The following PHF21B variants were observed in gnomAD, a reference collection of about 807,000 sequenced individuals.
PHF21B encodes PHD finger protein 4.
In PHF21B, 22 loss-of-function variants were observed where a neutral mutation model predicts 62.2. The observed-to-expected ratio is 0.35, with a 90% CI of 0.25 to 0.51. The LOEUF (loss-of-function observed/expected upper bound fraction) is 0.51, where lower values mean the gene tolerates loss of function less well. PHF21B is among the 20% of genes least tolerant of loss of function. PHF21B has a pLI of 0.97. For synonymous variants in PHF21B, 341 were observed against 314.7 expected (o/e 1.08, Z -0.88); for missense variants, 701 against 707.9 (o/e 0.99, Z 0.11).
At chr22:44,987,677 G>GT (rs1402562129) in intron 2 of PHF21B, among the ~76,000 whole-genome samples, 4 of 151,944 alleles carry the variant, frequency 2.6e-5, no homozygotes, top group African/African-American at 9.7e-5. Context: ...GACCCCAGCT[G>GT]TTCCTCATGG....
intron 2 of PHF21B, among the ~76,000 whole-genome samples, chr22:44,956,655 C>T (rs972276655): frequency 8.5e-5 from 13 of 152,104 alleles, no homozygotes; most frequent in South Asian, 4.1e-4. Flanking sequence ...CCTCCACAAG[C>T]GACCCCAGGA....
intron 2 of PHF21B, among the ~76,000 whole-genome samples, chr22:44,998,955 T>C (rs570485976): frequency 6.6e-6 from 1 of 152,292 alleles, no homozygotes; most frequent in African/African-American, 2.4e-5. Context: ...CTCTTCAGGA[T>C]GAGGGTTTGA....
At chr22:44,920,269 G>A in intron 3 of PHF21B, 129 bp downstream of exon 3, 2 of 549,128 alleles carry the variant, frequency 3.6e-6, no homozygotes, top group Non-Finnish European at 3.1e-6. Flanking sequence ...AGAGGGGAAG[G>A]TGCAGCTGAG....
chr22:44,883,238 G>C lies in PHF21B; in HGVS notation c.1444C>G (p.Leu482Val). 1 of 1,613,994 alleles carries C rather than the reference G, an allele frequency of 6.2e-7. No homozygotes were observed. Among genetic ancestry groups the C allele is most frequent in the Non-Finnish European group, 8.5e-7 (1 of 1,179,992 alleles). The change falls in exon 13 of 13, where the codon CTG becomes GTG. Residue 482 changes from leucine (L) to valine (V), a missense_variant. Leu to Val is a conservative substitution (Grantham distance 32, BLOSUM62 1). Transcript: ENST00000313237. ...QRGTQSSLDR[L>V]RALLRLIQGE... is the part of the protein sequence containing the mutation. ...TGTATCAGTCTCAGGAGGGCCCGCA[G>C]GCGGTCCAGGGATGACTGGGTGCCC...
chr22:44,925,110 A>G (rs2071604787), intron 2 of PHF21B, among the ~76,000 whole-genome samples: 1 of 152,220 alleles, frequency 6.6e-6, no homozygotes, highest in African/African-American at 2.4e-5. Flanking sequence ...AAACAAAGTG[A>G]CAGAAAATAA....
chr22:44,890,194 G>A (rs1407105764), intron 8 of PHF21B, among the ~76,000 whole-genome samples: 1 of 152,152 alleles, frequency 6.6e-6, no homozygotes, highest in Admixed American at 6.5e-5. Flanking sequence ...GCCACCATGG[G>A]AACAGGCTCA....
intron 2 of PHF21B, among the ~76,000 whole-genome samples, chr22:44,922,384 G>C (rs1015327138): frequency 3.9e-5 from 6 of 152,188 alleles, no homozygotes; most frequent in East Asian, 1.9e-4. Context: ...TGTAATCCCA[G>C]CACTTTGGGA....
chr22:44,921,581 G>A (rs1217638766), intron 2 of PHF21B, among the ~76,000 whole-genome samples: 2 of 151,742 alleles, frequency 1.3e-5, no homozygotes, highest in African/African-American at 4.8e-5. Flanking sequence ...TAGCCAGGAT[G>A]GTCTCAATCT....
rs374284251 is a variant in PHF21B at position 44,902,529 on chromosome 22, T to TCTTCTGCTG, written c.832-6455_832-6447dup. 2.6e-3 allele frequency: 408 copies of TCTTCTGCTG among 159,866 alleles called. 2 individuals carry two copies. The highest frequency in any genetic ancestry group is 9.4e-3 in the African/African-American group (395 of 41,800). The allele number at this position is 159,866 out of a possible 1,614,324, so 9.9% of individuals were successfully genotyped here. A position where few individuals can be genotyped will look rare whatever the true frequency, so the allele number is the denominator to read the frequency against. ...TCTGCCTCTGGTGTCCCTTACCGTGTCTTCTGCTGTATCCATGGCCCTCTG... is the reference window on the plus strand; with the variant it reads ...TCTGCCTCTGGTGTCCCTTACCGTGTCTTCTGCTGCTTCTGCTGTATCCATGGCCCTCTG... On this transcript the variant is annotated intron_variant, in intron 5 of 12. Transcript: ENST00000313237.
intron 2 of PHF21B, among the ~76,000 whole-genome samples, chr22:44,936,882 TTTTTC>T (rs2071860333): frequency 6.7e-6 from 1 of 150,370 alleles, no homozygotes; most frequent in Non-Finnish European, 1.5e-5. Context: ...TTTTTTTTTT[TTTTTC>T]CTGAGATGGA....
At chr22:44,899,368 G>A (rs1235221039) in intron 5 of PHF21B, among the ~76,000 whole-genome samples, 2 of 138,624 alleles carry the variant, frequency 1.4e-5, no homozygotes, top group Admixed American at 1.6e-4. Flanking sequence ...TCAGCTCACT[G>A]CAATCTCCGC....
intron 2 of PHF21B, among the ~76,000 whole-genome samples, chr22:44,970,274 GA>G (rs2072612271): frequency 1.3e-5 from 2 of 152,386 alleles, no homozygotes; most frequent in South Asian, 4.1e-4. Context: ...GCTCTGCACA[GA>G]AGGGCAGGGG....
At chr22:44,964,348 A>G (rs1201045943) in intron 2 of PHF21B, among the ~76,000 whole-genome samples, 1 of 152,040 alleles carries the variant, frequency 6.6e-6, no homozygotes, top group Non-Finnish European at 1.5e-5. Context: ...GGAGGATGGG[A>G]CTTCGCGTGG....
chr22:44,899,683 A>G (rs1440489422), intron 5 of PHF21B, among the ~76,000 whole-genome samples: 6 of 151,096 alleles, frequency 4.0e-5, no homozygotes, highest in Non-Finnish European at 8.8e-5. Flanking sequence ...TTCTGTCTTA[A>G]GGGGTTTTAA....
intron 2 of PHF21B, among the ~76,000 whole-genome samples, chr22:44,954,818 C>T (rs75628104): frequency 3.7e-4 from 57 of 152,314 alleles, no homozygotes; most frequent in African/African-American, 1.3e-3. Flanking sequence ...GGTCTGGCCC[C>T]GCTGGAAGAC....
chr22:45,009,089 GC>G lies in PHF21B; in HGVS notation c.54+406del. 2 of 1,055,610 alleles carry G rather than the reference GC, an allele frequency of 1.9e-6. No individual in the cohort carries two copies. The highest frequency in any genetic ancestry group is 2.3e-6 in the Non-Finnish European group (2 of 851,470). The allele number at this position is 1,055,610 out of a possible 1,614,324, so 65.4% of individuals were successfully genotyped here. On this transcript the variant is annotated intron_variant, in intron 1 of 12. Transcript: ENST00000313237. This position sits in a 1 kb window ranked among gnomAD's most constrained non-coding sequence, Gnocchi z 5.9. ...ACGCCGCCGCTCGCCAGCAGCGATCGCCAAAACTACTTCTGCACACCGGGCA... is the reference window on the plus strand; with the variant it reads ...ACGCCGCCGCTCGCCAGCAGCGATCGCAAAACTACTTCTGCACACCGGGCA...
chr22:44,970,520 C>G (rs1331094845), intron 2 of PHF21B, among the ~76,000 whole-genome samples: 1 of 152,214 alleles, frequency 6.6e-6, no homozygotes, highest in South Asian at 2.1e-4. Flanking sequence ...CTCCCCTTAA[C>G]CACCTCAGCA....
chr22:44,916,204 C>T, intron 4 of PHF21B, 76 bp downstream of exon 4: 3 of 1,383,922 alleles, frequency 2.2e-6, no homozygotes, highest in African/African-American at 1.4e-5. Flanking sequence ...GTTCATTTGG[C>T]CCTTCCCAAA....
At chr22:44,983,746 A>G (rs1012235173) in intron 2 of PHF21B, among the ~76,000 whole-genome samples, 1 of 152,228 alleles carries the variant, frequency 6.6e-6, no homozygotes, top group Non-Finnish European at 1.5e-5. Context: ...CAGACTGTTT[A>G]CAAACTGCTA....
Sources: gnomAD v4.1 joint callset for allele counts (sites outside exome capture counted in the v4.1 genomes callset) on GRCh38, gnomAD v4.1.1 for gene constraint, Gnocchi (gnomAD v3.1) non-coding constraint, MANE v1.5 for transcripts, NCBI Gene and HGNC (gene_info 2026-07-23, HGNC 2026-07-21) for gene names.